Variants in PCDHGB1 observed in about 807,000 individuals in gnomAD.
PCDHGB1 encodes the protein protocadherin gamma subfamily B, 1.
Under a neutral mutation model 56.6 loss-of-function variants are expected in PCDHGB1, and 34 were observed. That is an observed-to-expected ratio of 0.60 (90% confidence interval 0.46 to 0.80). The LOEUF (loss-of-function observed/expected upper bound fraction) is 0.80, where lower values mean the gene tolerates loss of function less well. Ranked by LOEUF, PCDHGB1 falls within the 30% of genes least tolerant of loss-of-function variation. The probability of loss-of-function intolerance (pLI) is 0.00; values close to 1 mark genes in which losing one functional copy is unlikely to be tolerated. For synonymous variants in PCDHGB1, 561 were observed against 505.9 expected, an observed-to-expected ratio of 1.11 and a Z score of -1.46; for missense variants, 1,278 against 1,204.6, an observed-to-expected ratio of 1.06 and a Z score of -0.90.
rs70988800 is a variant in PCDHGB1, at chr5:141,379,889, C to CTTTTTTTTTTTTTTTTTTTT, written c.2409+27231_2409+27250dup. 2.5e-3 allele frequency among the ~76,000 whole-genome samples: 127 copies of CTTTTTTTTTTTTTTTTTTTT among 50,836 alleles called. 11 individuals carry two copies. The highest frequency in any genetic ancestry group is 3.1e-3 in the Non-Finnish European group (79 of 25,888). The allele number at this position is 50,836 out of a possible 152,430, so 33.4% of individuals were successfully genotyped here. On this transcript the variant is annotated intron_variant, in intron 1 of 3. Transcript: ENST00000523390. ...CTTATTTTATGGTCTGTGAAAGCCT[C>CTTTTTTTTTTTTTTTTTTTT]TTTTTTTTTTTTTTTTTTTTTTTTT...
At position 141,486,538 on chromosome 5, in the gene PCDHGB1, C is replaced by A; in HGVS notation, c.2410-8269C>A. 1 of 1,614,150 alleles carries A rather than the reference C, an allele frequency of 6.2e-7. No individual in the cohort carries two copies. Among genetic ancestry groups the A allele is most frequent in the Non-Finnish European group, 8.5e-7 (1 of 1,180,038 alleles). ...ATGTGAATGATAATCCACCCTCTTTCTTTCAGAGGTCACATGAGGTGTTTG... is the reference window on the plus strand; with the variant it reads ...ATGTGAATGATAATCCACCCTCTTTATTTCAGAGGTCACATGAGGTGTTTG... On this transcript the variant is annotated intron_variant, in intron 1 of 3. Coordinates refer to ENST00000523390, the MANE Select transcript of PCDHGB1 (RefSeq NM_018922.3). This position sits in a 1 kb window ranked among gnomAD's most constrained non-coding sequence, Gnocchi z 5.0.
intron 1 of PCDHGB1, chr5:141,366,505 T>G (rs368019745): frequency 6.2e-7 from 1 of 1,614,136 alleles, no homozygotes; most frequent in African/African-American, 1.3e-5. Context: ...CACGCCTGCT[T>G]CAGGCTGAAG....
intron 1 of PCDHGB1, among the ~76,000 whole-genome samples, chr5:141,452,019 C>T (rs1227308101): frequency 3.3e-5 from 5 of 152,194 alleles, no homozygotes; most frequent in African/African-American, 1.2e-4. Flanking sequence ...AGCCCACACT[C>T]TGGGGAGATG....
chr5:141,447,388 T>C (rs1302757515), intron 1 of PCDHGB1, among the ~76,000 whole-genome samples: 3 of 152,166 alleles, frequency 2.0e-5, no homozygotes, highest in African/African-American at 7.2e-5. Flanking sequence ...TCTGCCCACC[T>C]CGGCCTCCCA....
Position 141,439,149 on chromosome 5 carries a change from C to T in PCDHGB1, c.2410-55658C>T, listed in dbSNP as rs543388568. Reference sequence around the variant, plus strand: ...CAGAGGTTGCAGTGAGCTGAGATCACGCCACTGCACTCCAGCCTGGGCGAC... The same window carrying T: ...CAGAGGTTGCAGTGAGCTGAGATCATGCCACTGCACTCCAGCCTGGGCGAC... On this transcript the variant is annotated intron_variant, in intron 1 of 3. Transcript: ENST00000523390. Among the ~76,000 whole-genome samples, 165 of 150,018 alleles carry T rather than the reference C, an allele frequency of 1.1e-3. 1 individual carries two copies. In the Middle Eastern group the frequency reaches 0.017, roughly 16 times the overall value.
Position 141,477,032 on chromosome 5 carries a change from A to G in PCDHGB1, c.2410-17775A>G, listed in dbSNP as rs1026169829. 2 of 1,614,134 alleles carry G rather than the reference A, an allele frequency of 1.2e-6. No homozygotes were observed. Among genetic ancestry groups the G allele is most frequent in the Non-Finnish European group, 1.7e-6 (2 of 1,180,044 alleles). ...AGACCTTGTAACCGGGATGCTGACA[A>G]TCAAGGGTCGGCTGGACTTCGAGGA... On this transcript the variant is annotated intron_variant, in intron 1 of 3. Transcript: ENST00000523390. This position sits in a 1 kb window ranked among gnomAD's most constrained non-coding sequence, Gnocchi z 4.9.
intron 1 of PCDHGB1, chr5:141,409,571 TA>T: frequency 6.2e-7 from 1 of 1,613,932 alleles, no homozygotes; most frequent in Non-Finnish European, 8.5e-7. Flanking sequence ...CCAGACGTCC[TA>T]CGTGGTCCAC....
intron 1 of PCDHGB1, chr5:141,415,740 G>GTTTTTTGT (rs2095911797): frequency 1.9e-6 from 1 of 515,998 alleles, no homozygotes; most frequent in East Asian, 8.3e-5. Flanking sequence ...GTTTATTAAG[G>GTTTTTTGT]TTTTTTTTTT....
At chr5:141,473,988 G>T (rs1006988447) in intron 1 of PCDHGB1, among the ~76,000 whole-genome samples, 2 of 152,118 alleles carry the variant, frequency 1.3e-5, no homozygotes, top group Middle Eastern at 3.2e-3. Context: ...AGGATCCCTT[G>T]AGCCCAAGGA....
intron 1 of PCDHGB1, chr5:141,403,543 G>C (rs1228327431): frequency 1.2e-6 from 2 of 1,614,006 alleles, no homozygotes; most frequent in Non-Finnish European, 1.7e-6. Context: ...TGGTGCTGGA[G>C]CGCGCCCTGG....
chr5:141,394,361 G>A (rs2092984834), intron 1 of PCDHGB1: 15 of 1,614,072 alleles, frequency 9.3e-6, no homozygotes, highest in Non-Finnish European at 1.2e-5. Context: ...TCCTGTATGC[G>A]CTGCAATCTT....
chr5:141,496,943 T>C (rs1023861484), intron 2 of PCDHGB1, among the ~76,000 whole-genome samples: 2 of 151,258 alleles, frequency 1.3e-5, no homozygotes, highest in African/African-American at 2.4e-5. Flanking sequence ...CCCAGCACTT[T>C]GGGAGGCCAA....
chr5:141,381,820 C>CTTTCT (rs1279410534), intron 1 of PCDHGB1, among the ~76,000 whole-genome samples: 20 of 119,922 alleles, frequency 1.7e-4, no homozygotes, highest in African/African-American at 3.7e-4. Flanking sequence ...TTCTTTCTTT[C>CTTTCT]TTCTTCTTTT....
intron 1 of PCDHGB1, chr5:141,389,864 G>A: frequency 6.2e-7 from 1 of 1,614,058 alleles, no homozygotes; most frequent in Non-Finnish European, 8.5e-7. Flanking sequence ...CGTTGCACCT[G>A]GTCTTCGCCG....
At chr5:141,495,274 G>A (rs1396412578) in intron 2 of PCDHGB1, among the ~76,000 whole-genome samples, 1 of 152,190 alleles carries the variant, frequency 6.6e-6, no homozygotes, top group Non-Finnish European at 1.5e-5. Context: ...TTGACCGGAG[G>A]AGGCGGTCCG....
chr5:141,457,264 C>T (rs2098915249), intron 1 of PCDHGB1, among the ~76,000 whole-genome samples: 1 of 152,142 alleles, frequency 6.6e-6, no homozygotes, highest in South Asian at 2.1e-4. Flanking sequence ...ATAGAATTCC[C>T]CTCTGTGGGC....
rs2099068970 is a variant in PCDHGB1 at position 141,463,759 on chromosome 5, T to C, written c.2410-31048T>C. 2.0e-5 allele frequency among the ~76,000 whole-genome samples: 3 copies of C among 152,234 alleles called. No homozygotes were observed. The South Asian group carries it at 6.2e-4, about 32-fold the overall frequency. ...CCGCGCCCGGCCTGCTTCTCTTCTCTTATGGGTTAGAATCCTGCACTGTCT... is the reference window on the plus strand; with the variant it reads ...CCGCGCCCGGCCTGCTTCTCTTCTCCTATGGGTTAGAATCCTGCACTGTCT... On this transcript the variant is annotated intron_variant, in intron 1 of 3. Transcript: ENST00000523390.
chr5:141,441,838 C>A, intron 1 of PCDHGB1: 1 of 355,582 alleles, frequency 2.8e-6, no homozygotes, highest in Non-Finnish European at 5.5e-6. Context: ...TGGCTTCGCG[C>A]TCTTGGATAT....
chr5:141,505,255 C>T (rs2099844853), intron 2 of PCDHGB1, 138 bp from the exon 3 acceptor site: 1 of 1,481,112 alleles, frequency 6.8e-7, no homozygotes, highest in Admixed American at 2.1e-5. Context: ...AGAAGTGCCT[C>T]CTACCTTGCT....
Sources: gnomAD v4.1 joint callset for allele counts (sites outside exome capture counted in the v4.1 genomes callset) on GRCh38, gnomAD v4.1.1 for gene constraint, Gnocchi (gnomAD v3.1) non-coding constraint, MANE v1.5 for transcripts, NCBI Gene and HGNC (gene_info 2026-07-23, HGNC 2026-07-21) for gene names.